Variants in TENM3 observed in about 807,000 individuals in gnomAD.
TENM3 encodes teneurin-3.
A neutral mutation model predicts 255.1 loss-of-function variants in TENM3; 63 were observed. That is an observed-to-expected ratio of 0.25 (90% CI 0.20 to 0.30). TENM3 has a LOEUF of 0.30. Among genes scored for constraint, TENM3 ranks in the 10% least tolerant of loss-of-function variants. TENM3 has a pLI of 1.00. For missense variants in TENM3, 2,929 were observed against 3,461.1 expected, an observed-to-expected ratio of 0.85 and a Z score of 3.86; for synonymous variants, 1,306 against 1,322.3, an observed-to-expected ratio of 0.99 and a Z score of 0.27.
the TENM3 span, among the ~76,000 whole-genome samples, chr4:181,921,229 T>C: frequency 2.6e-5 from 4 of 152,146 alleles, no homozygotes; most frequent in African/African-American, 9.7e-5. Context: ...TCTTTTTTGG[T>C]TCCATATGAA....
intron 19 of TENM3, among the ~76,000 whole-genome samples, chr4:182,749,293 A>G (rs1312409815): frequency 6.6e-6 from 1 of 152,210 alleles, no homozygotes; most frequent in African/African-American, 2.4e-5. Flanking sequence ...AACTGCTGTT[A>G]TAACAGCAGA....
the TENM3 span, among the ~76,000 whole-genome samples, chr4:181,461,049 T>A: frequency 3.9e-5 from 6 of 152,104 alleles, no homozygotes; most frequent in Non-Finnish European, 8.8e-5. Context: ...TTTGTAATGC[T>A]GATAATGAAT....
chr4:182,711,035 C>T (rs985626439), intron 12 of TENM3, among the ~76,000 whole-genome samples: 6 of 152,092 alleles, frequency 3.9e-5, no homozygotes, highest in African/African-American at 1.2e-4. Flanking sequence ...GCTATATATG[C>T]GATAAATCAT....
At chr4:181,928,176 G>A in the TENM3 span, among the ~76,000 whole-genome samples, 1 of 152,070 alleles carries the variant, frequency 6.6e-6, no homozygotes, top group Non-Finnish European at 1.5e-5. Context: ...GGTGGAGAAT[G>A]AGTTTGATGA....
chr4:181,873,042 G>A, the TENM3 span, among the ~76,000 whole-genome samples: 1 of 151,030 alleles, frequency 6.6e-6, no homozygotes, highest in South Asian at 2.1e-4. Context: ...AAAATTATTA[G>A]CTTTAAGTCT....
intron 1 of TENM3, among the ~76,000 whole-genome samples, chr4:182,272,028 T>C (rs908871823): frequency 9.2e-5 from 14 of 152,168 alleles, no homozygotes; most frequent in African/African-American, 3.4e-4. Context: ...CACACAGCTC[T>C]CAACAGAGAT....
At chr4:182,305,795 T>A (rs1262657136) in intron 1 of TENM3, among the ~76,000 whole-genome samples, 1 of 152,236 alleles carries the variant, frequency 6.6e-6, no homozygotes, top group African/African-American at 2.4e-5. Flanking sequence ...GCCAGTTTGA[T>A]GCGTGGTGCT....
the TENM3 span, among the ~76,000 whole-genome samples, chr4:181,581,923 G>A: frequency 2.0e-5 from 3 of 151,976 alleles, no homozygotes; most frequent in Non-Finnish European, 2.9e-5. Flanking sequence ...AGTAGAGATT[G>A]AGTTTCGCCA....
At chr4:182,279,365 T>C (rs1760223196) in intron 1 of TENM3, among the ~76,000 whole-genome samples, 1 of 152,228 alleles carries the variant, frequency 6.6e-6, no homozygotes, top group Admixed American at 6.5e-5. Flanking sequence ...ATCTTTAGTA[T>C]AAAATGTCGA....
At chr4:182,727,004 A>G (rs988518826) in intron 13 of TENM3, among the ~76,000 whole-genome samples, 3 of 152,214 alleles carry the variant, frequency 2.0e-5, no homozygotes, top group African/African-American at 7.2e-5. Flanking sequence ...AGATATTTTC[A>G]GCTGAGCTTG....
At chr4:181,793,724 T>C in the TENM3 span, among the ~76,000 whole-genome samples, 1 of 152,174 alleles carries the variant, frequency 6.6e-6, no homozygotes, top group East Asian at 1.9e-4. Context: ...CTATTCTAAC[T>C]CTCAAAAGGG....
intron 3 of TENM3, among the ~76,000 whole-genome samples, chr4:182,586,723 A>G (rs189515266): frequency 2.6e-5 from 4 of 152,330 alleles, no homozygotes; most frequent in East Asian, 3.9e-4. Flanking sequence ...ATGATAATAC[A>G]TATCTCTGCC....
At chr4:182,756,002 G>C (rs1762723547) in intron 22 of TENM3, among the ~76,000 whole-genome samples, 1 of 152,198 alleles carries the variant, frequency 6.6e-6, no homozygotes, top group Admixed American at 6.5e-5. Flanking sequence ...TTAACATCTT[G>C]CTTCCAATAG....
intron 3 of TENM3, among the ~76,000 whole-genome samples, chr4:182,474,399 G>T (rs1044624988): frequency 7.7e-5 from 9 of 116,782 alleles, no homozygotes; most frequent in Non-Finnish European, 1.8e-4. Flanking sequence ...TTCAGCTAGG[G>T]CACTATTTAG....
intron 22 of TENM3, among the ~76,000 whole-genome samples, chr4:182,773,062 C>T (rs1764390076): frequency 6.6e-6 from 1 of 152,198 alleles, no homozygotes; most frequent in Admixed American, 6.5e-5. Flanking sequence ...CTGTACTGTA[C>T]TGCCACCGAG....
intron 4 of TENM3, among the ~76,000 whole-genome samples, chr4:182,605,694 T>C (rs768049935): frequency 8.5e-5 from 13 of 152,160 alleles, no homozygotes; most frequent in Non-Finnish European, 1.6e-4. Context: ...GTGCTGTTAA[T>C]ATTTAAGGCC....
Position 182,792,812 on chromosome 4 carries a change from A to C in TENM3, c.6140A>C (p.Asp2047Ala), listed in dbSNP as rs371234384. 6.2e-7 allele frequency: 1 copy of C among 1,613,842 alleles called. No homozygotes were observed. Among genetic ancestry groups the C allele is most frequent in the Non-Finnish European group, 8.5e-7 (1 of 1,179,884 alleles). ...TPLPIDLYQF[D>A]DISGKVEQFG... ...CTGCCTATTGATCTGTATCAGTTTGATGACATTTCTGGCAAAGTTGAGCAG... is the reference window on the plus strand; with the variant it reads ...CTGCCTATTGATCTGTATCAGTTTGCTGACATTTCTGGCAAAGTTGAGCAG... The change falls in exon 26 of 28, where the codon GAT becomes GCT. Residue 2047 changes from aspartate (D) to alanine (A), a missense_variant. Around this residue, in one of 6 missense-constraint regions of TENM3, gnomAD observed 3 missense variants for 25.2 expected, o/e 0.12. Coordinates refer to ENST00000511685, the MANE Select transcript of TENM3 (RefSeq NM_001080477.4). This position sits in a 1 kb window ranked among gnomAD's most constrained non-coding sequence, Gnocchi z 6.3.
At chr4:181,801,990 C>T in the TENM3 span, among the ~76,000 whole-genome samples, 25 of 151,694 alleles carry the variant, frequency 1.6e-4, no homozygotes, top group African/African-American at 6.0e-4. Flanking sequence ...TCTATTGTAC[C>T]CTGTTGTCTT....
the TENM3 span, among the ~76,000 whole-genome samples, chr4:181,965,638 TCTGA>T: frequency 9.2e-5 from 14 of 152,232 alleles, no homozygotes; most frequent in African/African-American, 2.9e-4. Flanking sequence ...TGGAAATTTC[TCTGA>T]CTGTCTTAAG....
Sources: allele counts gnomAD v4.1 joint callset (sites outside exome capture counted in the v4.1 genomes callset), GRCh38; gene constraint gnomAD v4.1.1; regional missense constraint gnomAD v4.1.1; non-coding constraint Gnocchi (gnomAD v3.1); transcripts MANE v1.5; gene names NCBI Gene and HGNC (gene_info 2026-07-23, HGNC 2026-07-21).